Variants in EIF3H observed in about 807,000 individuals in gnomAD.
EIF3H encodes the protein eukaryotic translation initiation factor 3 subunit H.
EIF3H carries 26 observed loss-of-function variants against 44.2 expected under a neutral mutation model. The ratio of observed to expected loss-of-function variants is 0.59; its 90% CI spans 0.43 to 0.82. The LOEUF (loss-of-function observed/expected upper bound fraction) is 0.82. Ranked by LOEUF, EIF3H falls within the 40% of genes least tolerant of loss-of-function variation. The pLI is 0.00. For synonymous variants in EIF3H, 166 were observed against 151.9 expected (o/e 1.09, Z -0.68); for missense variants, 359 against 432.8 (o/e 0.83, Z 1.51).
At chr8:116,689,673 T>C (rs1814139641) in intron 2 of EIF3H, among the ~76,000 whole-genome samples, 1 of 152,176 alleles carries the variant, frequency 6.6e-6, no homozygotes, top group African/African-American at 2.4e-5. Flanking sequence ...AAAATAAGTG[T>C]AATATAAAAG....
chr8:116,724,053 A>G (rs1397952949), intron 2 of EIF3H, among the ~76,000 whole-genome samples: 2 of 152,226 alleles, frequency 1.3e-5, no homozygotes, highest in Admixed American at 1.3e-4. Context: ...TTCAAAACCT[A>G]TTACAAAGCT....
intron 2 of EIF3H, among the ~76,000 whole-genome samples, chr8:116,681,295 G>A (rs71530835): frequency 6.6e-6 from 1 of 152,170 alleles, no homozygotes; most frequent in South Asian, 2.1e-4. Flanking sequence ...CTGGGAGGCA[G>A]AGGTTGTAGT....
At chr8:116,730,674 T>A (rs1026483312) in intron 1 of EIF3H, among the ~76,000 whole-genome samples, 1 of 152,230 alleles carries the variant, frequency 6.6e-6, no homozygotes, top group Non-Finnish European at 1.5e-5. Context: ...AGAATCCATG[T>A]TGTGCTCATT....
chr8:116,690,941 T>C (rs996625649), intron 2 of EIF3H, among the ~76,000 whole-genome samples: 2 of 152,222 alleles, frequency 1.3e-5, no homozygotes, highest in African/African-American at 2.4e-5. Flanking sequence ...AAATGTATCA[T>C]GGCTAAGTCC....
At chr8:116,750,561 C>T (rs1394980955) in intron 1 of EIF3H, among the ~76,000 whole-genome samples, 6 of 152,030 alleles carry the variant, frequency 3.9e-5, no homozygotes, top group African/African-American at 7.2e-5. Flanking sequence ...AGGCACCCGC[C>T]ACCACGCCCG....
At chr8:116,659,043 A>C in intron 2 of EIF3H, 63 bp from the exon 3 acceptor site, 1 of 1,434,714 alleles carries the variant, frequency 7.0e-7, no homozygotes, top group South Asian at 1.4e-5. Context: ...CAACATCAAA[A>C]ACAAGCCGTT....
In EIF3H at chr8:116,755,757, G is replaced by A. The variant is rs772115922; in HGVS notation, c.41C>T (p.Ser14Phe). Reference sequence around the variant, plus strand: ...TGCTGCGCCGGCGGTGGAGCTGGAAGAGGTGGCAGTAGAGCCGGTACCTTC... The same window carrying A: ...TGCTGCGCCGGCGGTGGAGCTGGAAAAGGTGGCAGTAGAGCCGGTACCTTC... ...RKEGTGSTAT[S>F]SSSTAGAAGK... Residue 14 changes from serine (S) to phenylalanine (F), a missense_variant, in exon 1 of 8, where the codon TCT becomes TTT. Around this residue, in one of 5 missense-constraint regions of EIF3H, gnomAD observed 59 missense variants for 33.5 expected, o/e 1.76. Transcript: ENST00000521861. 5.0e-6 allele frequency: 8 copies of A among 1,614,164 alleles called. No individual in the cohort carries two copies. The highest frequency in any genetic ancestry group is 1.1e-5 in the South Asian group (1 of 91,082).
At chr8:116,740,030 A>G (rs1023421193) in intron 1 of EIF3H, among the ~76,000 whole-genome samples, 4 of 152,238 alleles carry the variant, frequency 2.6e-5, no homozygotes, top group East Asian at 1.9e-4. Flanking sequence ...TCACTTGGAT[A>G]TCACAGCAGT....
At chr8:116,764,141 T>A (rs1228323139) in intron 1 of EIF3H, among the ~76,000 whole-genome samples, 1 of 152,210 alleles carries the variant, frequency 6.6e-6, no homozygotes, top group Non-Finnish European at 1.5e-5. Flanking sequence ...TGGATTTCTA[T>A]TTGGCATGGA....
chr8:116,663,576 T>C (rs2130802847), intron 2 of EIF3H, among the ~76,000 whole-genome samples: 1 of 152,210 alleles, frequency 6.6e-6, no homozygotes, highest in South Asian at 2.1e-4. Flanking sequence ...TAGGCATTCT[T>C]AGTACAAAAA....
At chr8:116,745,740 G>GC (rs1815221848) in intron 1 of EIF3H, among the ~76,000 whole-genome samples, 1 of 152,052 alleles carries the variant, frequency 6.6e-6, no homozygotes, top group Non-Finnish European at 1.5e-5. Flanking sequence ...AGACCAGTCT[G>GC]GCCAACATGG....
intron 2 of EIF3H, among the ~76,000 whole-genome samples, chr8:116,660,351 C>T (rs1813565605): frequency 6.6e-6 from 1 of 152,116 alleles, no homozygotes; most frequent in African/African-American, 2.4e-5. Context: ...TTTACAAAGC[C>T]TACAAGACTC....
intron 2 of EIF3H, among the ~76,000 whole-genome samples, chr8:116,664,068 A>T (rs1428036240): frequency 6.6e-6 from 1 of 152,224 alleles, no homozygotes; most frequent in Non-Finnish European, 1.5e-5. Context: ...AAGTTTTATA[A>T]ATCTCTTCAA....
chr8:116,666,775 A>AAAAAAC (rs1813676138), intron 2 of EIF3H, among the ~76,000 whole-genome samples: 1 of 151,142 alleles, frequency 6.6e-6, no homozygotes, highest in African/African-American at 2.4e-5. Flanking sequence ...AAAAAAAAAA[A>AAAAAAC]ATTACACTAT....
chr8:116,661,678 T>C (rs985744536), intron 2 of EIF3H, among the ~76,000 whole-genome samples: 1 of 152,222 alleles, frequency 6.6e-6, no homozygotes, highest in African/African-American at 2.4e-5. Flanking sequence ...CTGAAAAATA[T>C]TCTGTAATCT....
chr8:116,751,734 A>C (rs1011780740), intron 1 of EIF3H, among the ~76,000 whole-genome samples: 3 of 152,246 alleles, frequency 2.0e-5, no homozygotes, highest in Admixed American at 6.5e-5. Flanking sequence ...ACCTTAAAGA[A>C]TACTACTATA....
chr8:116,690,708 G>T (rs1290289415), intron 2 of EIF3H, among the ~76,000 whole-genome samples: 1 of 152,030 alleles, frequency 6.6e-6, no homozygotes, highest in Non-Finnish European at 1.5e-5. Flanking sequence ...ATTGACATTA[G>T]GATCTAATTA....
chr8:116,711,342 A>G (rs1814569344), intron 2 of EIF3H, among the ~76,000 whole-genome samples: 1 of 152,202 alleles, frequency 6.6e-6, no homozygotes, highest in Non-Finnish European at 1.5e-5. Context: ...TTTTATCATC[A>G]TCCTTTATAC....
intron 2 of EIF3H, among the ~76,000 whole-genome samples, chr8:116,670,618 T>G (rs143010693): frequency 2.0e-5 from 3 of 152,328 alleles, no homozygotes; most frequent in East Asian, 3.9e-4. Context: ...CAAGGTGATA[T>G]GACCAGAGAC....
Sources: gnomAD v4.1 joint callset for allele counts (sites outside exome capture counted in the v4.1 genomes callset) on GRCh38, gnomAD v4.1.1 for gene constraint, gnomAD v4.1.1 regional missense constraint, MANE v1.5 for transcripts, NCBI Gene and HGNC (gene_info 2026-07-23, HGNC 2026-07-21) for gene names.